Variants in ARHGAP31 observed in about 807,000 individuals in gnomAD.
The protein encoded by ARHGAP31 is Rho GTPase activating protein 31.
In ARHGAP31, 34 loss-of-function variants were observed where a neutral mutation model predicts 113.9. The observed-to-expected ratio is 0.30, with a 90% CI of 0.23 to 0.40. The LOEUF (loss-of-function observed/expected upper bound fraction) is 0.40, where lower values mean the gene tolerates loss of function less well. Among genes scored for constraint, ARHGAP31 ranks in the 10% least tolerant of loss-of-function variants. ARHGAP31 has a pLI of 1.00. For synonymous variants in ARHGAP31, 650 were observed against 684.8 expected (o/e 0.95, Z 0.79); for missense variants, 1,548 against 1,767.1 (o/e 0.88, Z 2.22).
chr3:119,355,314 A>G (rs144620969), intron 1 of ARHGAP31, among the ~76,000 whole-genome samples: 1 of 152,186 alleles, frequency 6.6e-6, no homozygotes, highest in East Asian at 1.9e-4. Context: ...GAATGCTATA[A>G]AACAAACAAA....
chr3:119,320,615 C>T (rs996325662), intron 1 of ARHGAP31, among the ~76,000 whole-genome samples: 1 of 152,212 alleles, frequency 6.6e-6, no homozygotes, highest in African/African-American at 2.4e-5. Context: ...TGAGTGTATT[C>T]TTCCCTTTGC....
intron 1 of ARHGAP31, among the ~76,000 whole-genome samples, chr3:119,345,128 G>A (rs968842513): frequency 3.3e-5 from 5 of 152,016 alleles, no homozygotes; most frequent in Non-Finnish European, 7.4e-5. Flanking sequence ...GGGACTACAG[G>A]TGCCTGCCAC....
intron 1 of ARHGAP31, among the ~76,000 whole-genome samples, chr3:119,354,340 T>TA (rs569574955): frequency 7.9e-5 from 12 of 152,154 alleles, no homozygotes; most frequent in East Asian, 1.9e-4. Context: ...TTCTTTCTTT[T>TA]AAAAAAAATG....
In ARHGAP31 at chr3:119,294,463, C is replaced by A. The variant is rs2079514067; in HGVS notation, c.-442C>A. ...TCGTCTGAAGGCGAGACAGCGGGCC[C>A]AGGGCGCAGGACCCACCGCAGCCCC... On this transcript the variant is annotated 5_prime_UTR_variant, in exon 1 of 12. Coordinates refer to ENST00000264245, the MANE Select transcript of ARHGAP31 (RefSeq NM_020754.4). 2.4e-6 allele frequency: 1 copy of A among 408,330 alleles called. No individual in the cohort carries two copies. Among genetic ancestry groups the A allele is most frequent in the East Asian group, 3.6e-5 (1 of 28,126 alleles). 25.3% of individuals were successfully genotyped at this position (408,330 alleles called of 1,614,324 possible).
intron 1 of ARHGAP31, among the ~76,000 whole-genome samples, chr3:119,321,283 A>ATATATATATATAGTATATATATATATAG (rs1424237638): frequency 6.9e-6 from 1 of 145,854 alleles, no homozygotes; most frequent in African/African-American, 2.5e-5. Context: ...TATATACTAT[A>ATATATATATATAGTATATATATATATAG]TATATATATA....
rs148454714 is a variant in ARHGAP31, at chr3:119,367,927, A to T, written c.204-445A>T. The stretch of plus-strand genomic sequence containing the variant: ...AGCTTTGGGTTTGAGTCTTCAGATA[A>T]AACAAGTTTGTTGACACAGATATAT... On this transcript the variant is annotated intron_variant, in intron 2 of 11. Transcript: ENST00000264245. 1.2e-3 allele frequency among the ~76,000 whole-genome samples: 183 copies of T among 152,276 alleles called. 2 individuals are homozygous for T. In the East Asian group the frequency reaches 0.028, roughly 23 times the overall value.
At chr3:119,355,156 A>C (rs2080144373) in intron 1 of ARHGAP31, among the ~76,000 whole-genome samples, 1 of 152,310 alleles carries the variant, frequency 6.6e-6, no homozygotes, top group South Asian at 2.1e-4. Flanking sequence ...TTGGCAGCAC[A>C]CACACCTGGG....
chr3:119,306,200 C>A lies in ARHGAP31; in HGVS notation c.100+11196C>A, dbSNP rs542225101. ...AATATTAGTCAATTTTAGTATACTA[C>A]TAGAGATACTCTTCAAATCCAGTTT... is the stretch of plus-strand genomic sequence containing the variant. On this transcript the variant is annotated intron_variant, in intron 1 of 11. Transcript: ENST00000264245. 5.3e-5 allele frequency among the ~76,000 whole-genome samples: 8 copies of A among 152,230 alleles called. No individual in the cohort carries two copies. The South Asian group carries it at 1.2e-3, about 24-fold the overall frequency.
At chr3:119,370,624 T>C (rs1343803456) in intron 3 of ARHGAP31, among the ~76,000 whole-genome samples, 1 of 152,098 alleles carries the variant, frequency 6.6e-6, no homozygotes, top group Non-Finnish European at 1.5e-5. Flanking sequence ...CAGTACTACA[T>C]ATTGCTGTTT....
chr3:119,368,569 A>T, intron 3 of ARHGAP31, 53 bp downstream of exon 3: 2 of 1,602,134 alleles, frequency 1.2e-6, no homozygotes, highest in Non-Finnish European at 1.7e-6. Context: ...TGGATGGGCC[A>T]AGAAGAGTTT....
Position 119,383,134 on chromosome 3 carries a change from C to T in ARHGAP31, c.590C>T (p.Ala197Val). ...TGCNGDAAFLAVRVQQVVIEF... is the reference protein window; with the variant it reads ...TGCNGDAAFLVVRVQQVVIEF... ...TGCAATGGAGATGCAGCCTTCCTTG[C>T]AGTCCGGGTCCAGCAGGTGGTGATT... The change falls in exon 6 of 12, where the codon GCA (alanine) becomes GTA (valine). Residue 197 changes from alanine (A) to valine (V), a missense_variant. Ala to Val is a moderately conservative substitution (Grantham distance 64). Coordinates refer to ENST00000264245, the MANE Select transcript of ARHGAP31 (RefSeq NM_020754.4). 1 of 1,614,196 alleles carries T rather than the reference C, an allele frequency of 6.2e-7. No individual in the cohort carries two copies. Among genetic ancestry groups the T allele is most frequent in the Non-Finnish European group, 8.5e-7 (1 of 1,180,022 alleles).
chr3:119,337,831 A>G (rs752508412), intron 1 of ARHGAP31, among the ~76,000 whole-genome samples: 4 of 152,224 alleles, frequency 2.6e-5, no homozygotes, highest in Non-Finnish European at 5.9e-5. Flanking sequence ...AGCTAGACAC[A>G]GAGTGCTGAT....
intron 1 of ARHGAP31, among the ~76,000 whole-genome samples, chr3:119,335,962 C>T (rs2079942604): frequency 6.6e-6 from 1 of 152,154 alleles, no homozygotes; most frequent in Non-Finnish European, 1.5e-5. Context: ...CACTTGAGGT[C>T]AGGAGGTCGA....
chr3:119,380,703 G>T (rs931004790), intron 3 of ARHGAP31, among the ~76,000 whole-genome samples: 1 of 152,130 alleles, frequency 6.6e-6, no homozygotes, highest in African/African-American at 2.4e-5. Flanking sequence ...TGCACACATG[G>T]TGAGACCCTG....
At chr3:119,333,462 A>G (rs974012905) in intron 1 of ARHGAP31, among the ~76,000 whole-genome samples, 6 of 152,176 alleles carry the variant, frequency 3.9e-5, no homozygotes, top group Non-Finnish European at 8.8e-5. Context: ...CGTTTACTCC[A>G]GCTATATTCT....
chr3:119,383,114 T>A lies in ARHGAP31; in HGVS notation c.570T>A (p.Asn190Lys). The stretch of plus-strand genomic sequence containing the variant: ...AAGAAATTGAAGCCACTGGTTGCAA[T>A]GGAGATGCAGCCTTCCTTGCAGTCC... ...RSKEIEATGC[N>K]GDAAFLAVRV... The change falls in exon 6 of 12, where the codon AAT becomes AAA. Residue 190 changes from asparagine (N) to lysine (K), a missense_variant. Asn to Lys is a moderately conservative substitution (Grantham distance 94, BLOSUM62 0). Transcript: ENST00000264245. 6.2e-7 allele frequency: 1 copy of A among 1,614,194 alleles called. No individual in the cohort carries two copies. Among genetic ancestry groups the A allele is most frequent in the African/African-American group, 1.3e-5 (1 of 75,050 alleles).
In ARHGAP31 at chr3:119,360,038, C is replaced by G. The variant is rs561217870; in HGVS notation, c.101-5278C>G. The stretch of plus-strand genomic sequence containing the variant: ...AACAAGATGATGAACATATCCATCA[C>G]GCCCAAATGTTTCCTCCGGCTCCTT... On this transcript the variant is annotated intron_variant, in intron 1 of 11. Coordinates refer to ENST00000264245, the MANE Select transcript of ARHGAP31 (RefSeq NM_020754.4). Among the ~76,000 whole-genome samples, 153 of 152,264 alleles carry G rather than the reference C, an allele frequency of 1.0e-3. 1 individual carries two copies. The highest frequency in any genetic ancestry group is 3.6e-3 in the African/African-American group (150 of 41,544).
intron 2 of ARHGAP31, among the ~76,000 whole-genome samples, chr3:119,367,864 A>C (rs561600870): frequency 1.2e-3 from 175 of 149,060 alleles, no homozygotes; most frequent in Non-Finnish European, 2.2e-3. Context: ...CTCAAAAAAA[A>C]GAAAAAAAAA....
chr3:119,395,032 A>G (rs1190685605), intron 8 of ARHGAP31, among the ~76,000 whole-genome samples: 3 of 152,244 alleles, frequency 2.0e-5, no homozygotes, highest in Non-Finnish European at 4.4e-5. Flanking sequence ...AGATAATGCA[A>G]ATATATGGCA....
Sources: gnomAD v4.1 joint callset for allele counts (sites outside exome capture counted in the v4.1 genomes callset) on GRCh38, gnomAD v4.1.1 for gene constraint, MANE v1.5 for transcripts, NCBI Gene and HGNC (gene_info 2026-07-23, HGNC 2026-07-21) for gene names.